PCBP1: variants seen among roughly 807,000 people sequenced by gnomAD.
PCBP1 encodes poly(rC) binding protein 1.
For missense variants in PCBP1, 244 were observed against 474.4 expected (o/e 0.51, Z 4.51); for synonymous variants, 284 against 195.8 (o/e 1.45, Z -3.76).
chr2:70,088,392 C>T lies in PCBP1; in HGVS notation c.649C>T (p.Pro217Ser). ...CCATGCCACCCATGACCTGGAGGGACCACCTCTAGATGCCTACTCGATTCA... is the reference window on the plus strand; with the variant it reads ...CCATGCCACCCATGACCTGGAGGGATCACCTCTAGATGCCTACTCGATTCA... ...YPHATHDLEG[P>S]PLDAYSIQGQ... The change falls in exon 1 of 1, where the codon CCA becomes TCA. Residue 217 changes from proline to serine, a missense_variant. By Grantham distance (74) the Pro-to-Ser change is moderately conservative. Coordinates refer to ENST00000303577, the MANE Select transcript of PCBP1 (RefSeq NM_006196.4). This position sits in a 1 kb window ranked among gnomAD's most constrained non-coding sequence, Gnocchi z 4.5. 2 of 1,613,984 alleles carry T rather than the reference C, an allele frequency of 1.2e-6. No homozygotes were observed. Among genetic ancestry groups the T allele is most frequent in the South Asian group, 1.1e-5 (1 of 91,086 alleles).
At position 70,088,922 on chromosome 2, in the gene PCBP1, T is replaced by G; in HGVS notation, c.*108T>G. Reference sequence around the variant, plus strand: ...TTTAAATAATTTGTAAGTGTTCAGTTTCTACACAACTTTATCATCCGCTAA... The same window carrying G: ...TTTAAATAATTTGTAAGTGTTCAGTGTCTACACAACTTTATCATCCGCTAA... On this transcript the variant is annotated 3_prime_UTR_variant, in exon 1 of 1. Transcript: ENST00000303577. The surrounding 1 kb of genome is among the most constrained non-coding windows in gnomAD (Gnocchi z 4.5). 2 of 756,472 alleles carry G rather than the reference T, an allele frequency of 2.6e-6. No homozygotes were observed. The highest frequency in any genetic ancestry group is 4.3e-6 in the Non-Finnish European group (2 of 469,736). The allele number at this position is 756,472 out of a possible 1,614,324, so 46.9% of individuals were successfully genotyped here.
Position 70,088,878 on chromosome 2 carries a change from C to T in PCBP1, c.*64C>T. 1 of 1,177,404 alleles carries T rather than the reference C, an allele frequency of 8.5e-7. No homozygotes were observed. Among genetic ancestry groups the T allele is most frequent in the South Asian group, 1.5e-5 (1 of 67,384 alleles). 72.9% of individuals were successfully genotyped at this position (1,177,404 alleles called of 1,614,324 possible). A position where few individuals can be genotyped will look rare whatever the true frequency, so the allele number is the denominator to read the frequency against. ...CTCCCATGATCCAACTGTGTAATTT[C>T]TGGTCAGTGATTCCAGGTTTTAAAT... On this transcript the variant is annotated 3_prime_UTR_variant, in exon 1 of 1. Transcript: ENST00000303577. This position sits in a 1 kb window ranked among gnomAD's most constrained non-coding sequence, Gnocchi z 4.5.
In PCBP1 at chr2:70,088,962, C is replaced by T. The variant is rs538155245; in HGVS notation, c.*148C>T. On this transcript the variant is annotated 3_prime_UTR_variant, in exon 1 of 1. Transcript: ENST00000303577. This position sits in a 1 kb window ranked among gnomAD's most constrained non-coding sequence, Gnocchi z 4.5. The stretch of plus-strand genomic sequence containing the variant: ...TCATCCGCTAAGAATTTAAAAATCA[C>T]ATTCTCTGTTCAGCTGTTAATGCTG... 3.2e-6 allele frequency: 2 copies of T among 618,414 alleles called. No homozygotes were observed. Among genetic ancestry groups the T allele is most frequent in the East Asian group, 5.6e-5 (2 of 35,902 alleles). 38.3% of individuals were successfully genotyped at this position (618,414 alleles called of 1,614,324 possible). A position where few individuals can be genotyped will look rare whatever the true frequency, so the allele number is the denominator to read the frequency against.
Position 70,088,268 on chromosome 2 carries a change from A to G in PCBP1, c.525A>G (p.Gln175=). The G allele has an allele frequency of 6.2e-7, 1 of 1,613,834 alleles. No homozygotes were observed. The highest frequency in any genetic ancestry group is 1.1e-5 in the South Asian group (1 of 91,086). ...VMLETLSQSP[Q]GRVMTIPYQP... ...TGGAGACGCTCTCCCAGTCTCCGCA[A>G]GGGAGAGTCATGACCATTCCGTACC... is the stretch of plus-strand genomic sequence containing the variant. Residue 175 remains glutamine (Q), a synonymous_variant, in exon 1 of 1, where the codon CAA becomes CAG. Transcript: ENST00000303577. The surrounding 1 kb of genome is among the most constrained non-coding windows in gnomAD (Gnocchi z 4.5).
In PCBP1 at chr2:70,087,983, G is replaced by A. The variant is rs1216802392; in HGVS notation, c.240G>A (p.Glu80=). Residue 80 remains glutamate (E), a synonymous_variant, in exon 1 of 1, where the codon GAG becomes GAA. Coordinates refer to ENST00000303577, the MANE Select transcript of PCBP1 (RefSeq NM_006196.4). The part of the protein sequence containing the change: ...KAFAMIIDKL[E]EDINSSMTNS... Reference sequence around the variant, plus strand: ...TCGCTATGATCATCGACAAGCTGGAGGAAGATATCAACAGCTCCATGACCA... The same window carrying A: ...TCGCTATGATCATCGACAAGCTGGAAGAAGATATCAACAGCTCCATGACCA... 1.2e-6 allele frequency: 2 copies of A among 1,613,944 alleles called. No individual in the cohort carries two copies. The highest frequency in any genetic ancestry group is 4.5e-5 in the East Asian group (2 of 44,882).
In PCBP1 at chr2:70,089,004, T is replaced by C; in HGVS notation, c.*190T>C. 1 of 507,172 alleles carries C rather than the reference T, an allele frequency of 2.0e-6. No individual in the cohort carries two copies. Among genetic ancestry groups the C allele is most frequent in the Non-Finnish European group, 3.5e-6 (1 of 283,522 alleles). The allele number at this position is 507,172 out of a possible 1,614,324, so 31.4% of individuals were successfully genotyped here. A position where few individuals can be genotyped will look rare whatever the true frequency, so the allele number is the denominator to read the frequency against. On this transcript the variant is annotated 3_prime_UTR_variant, in exon 1 of 1. Transcript: ENST00000303577. Reference sequence around the variant, plus strand: ...TTAATGCTGGGATCCATATTTAGTTTTATAAGCTTTTCCCTGTTTTTAGTT... The same window carrying C: ...TTAATGCTGGGATCCATATTTAGTTCTATAAGCTTTTCCCTGTTTTTAGTT...
chr2:70,088,855 C>T lies in PCBP1; in HGVS notation c.*41C>T, dbSNP rs11545482. Reference sequence around the variant, plus strand: ...CTCAATAACCCCTTTCTGCTGTTCTCCCATGATCCAACTGTGTAATTTCTG... The same window carrying T: ...CTCAATAACCCCTTTCTGCTGTTCTTCCATGATCCAACTGTGTAATTTCTG... On this transcript the variant is annotated 3_prime_UTR_variant, in exon 1 of 1. Transcript: ENST00000303577. The surrounding 1 kb of genome is among the most constrained non-coding windows in gnomAD (Gnocchi z 4.5). 21,559 of 1,401,072 alleles carry T rather than the reference C, an allele frequency of 0.015. 227 individuals carry two copies. The highest frequency in any genetic ancestry group is 0.019 in the Non-Finnish European group (19,491 of 1,016,464). 86.8% of individuals were successfully genotyped at this position (1,401,072 alleles called of 1,614,324 possible). A position where few individuals can be genotyped will look rare whatever the true frequency, so the allele number is the denominator to read the frequency against.
In PCBP1 at chr2:70,088,145, G is replaced by C; in HGVS notation, c.402G>C (p.Ala134=). The change falls in exon 1 of 1, where the codon GCG becomes GCC. Residue 134 remains alanine (A), a synonymous_variant. Coordinates refer to ENST00000303577, the MANE Select transcript of PCBP1 (RefSeq NM_006196.4). The surrounding 1 kb of genome is among the most constrained non-coding windows in gnomAD (Gnocchi z 4.5). Reference sequence around the variant, plus strand: ...GTACGGGGGCGCAGGTCCAGGTGGCGGGGGATATGCTGCCCAACTCCACCG... The same window carrying C: ...GTACGGGGGCGCAGGTCCAGGTGGCCGGGGATATGCTGCCCAACTCCACCG... ...RESTGAQVQV[A]GDMLPNSTER... 6.2e-7 allele frequency: 1 copy of C among 1,613,904 alleles called. No homozygotes were observed. Among genetic ancestry groups the C allele is most frequent in the Non-Finnish European group, 8.5e-7 (1 of 1,179,990 alleles).
In PCBP1 at chr2:70,089,056, T is replaced by A. The variant is rs1194307228; in HGVS notation, c.*242T>A. 2.3e-6 allele frequency: 1 copy of A among 436,762 alleles called. No individual in the cohort carries two copies. Among genetic ancestry groups the A allele is most frequent in the Non-Finnish European group, 4.2e-6 (1 of 238,102 alleles). 27.1% of individuals were successfully genotyped at this position (436,762 alleles called of 1,614,324 possible). A position where few individuals can be genotyped will look rare whatever the true frequency, so the allele number is the denominator to read the frequency against. ...TGTTTTGGGTTTTTTGGCTCATGAA[T>A]TTTATTTCTGTTTGTCGATAAGAAA... is the stretch of plus-strand genomic sequence containing the variant. On this transcript the variant is annotated 3_prime_UTR_variant, in exon 1 of 1. Transcript: ENST00000303577.
Position 70,087,653 on chromosome 2 carries a change from T to A in PCBP1, c.-91T>A. 1 of 836,770 alleles carries A rather than the reference T, an allele frequency of 1.2e-6. No individual in the cohort carries two copies. Among genetic ancestry groups the A allele is most frequent in the East Asian group, 2.7e-5 (1 of 37,018 alleles). The allele number at this position is 836,770 out of a possible 1,614,324, so 51.8% of individuals were successfully genotyped here. The stretch of plus-strand genomic sequence containing the variant: ...CCCTCGCTCGCCTCGCGCCGGCAGT[T>A]TTGGGCCTACACCTCCCCTCCCCCC... On this transcript the variant is annotated 5_prime_UTR_variant, in exon 1 of 1. Coordinates refer to ENST00000303577, the MANE Select transcript of PCBP1 (RefSeq NM_006196.4).
Position 70,087,624 on chromosome 2 carries a change from G to T in PCBP1, c.-120G>T. ...CTCCCGCCCGCTCCCGCTCGCTCCCGCGGCCCTCGCTCGCCTCGCGCCGGC... is the reference window on the plus strand; with the variant it reads ...CTCCCGCCCGCTCCCGCTCGCTCCCTCGGCCCTCGCTCGCCTCGCGCCGGC... On this transcript the variant is annotated 5_prime_UTR_variant, in exon 1 of 1. Transcript: ENST00000303577. 1 of 530,938 alleles carries T rather than the reference G, an allele frequency of 1.9e-6. No individual in the cohort carries two copies. The allele number at this position is 530,938 out of a possible 1,614,324, so 32.9% of individuals were successfully genotyped here.
rs1671377851 is a variant in PCBP1 at position 70,088,667 on chromosome 2, G to A, written c.924G>A (p.Met308Ile). The change falls in exon 1 of 1, where the codon ATG becomes ATA. Residue 308 changes from methionine (M) to isoleucine (I), a missense_variant. Physicochemically the swap from Met to Ile is conservative, Grantham distance 10. Transcript: ENST00000303577. This position sits in a 1 kb window ranked among gnomAD's most constrained non-coding sequence, Gnocchi z 4.5. ...QGANINEIRQ[M>I]SGAQIKIANP... is the part of the protein sequence containing the mutation. ...CCAACATTAATGAGATCCGCCAGAT[G>A]TCCGGGGCCCAGATCAAAATTGCCA... The A allele has an allele frequency of 2.5e-6, 4 of 1,614,136 alleles. No homozygotes were observed. The highest frequency in any genetic ancestry group is 2.2e-5 in the East Asian group (1 of 44,900).
At position 70,088,037 on chromosome 2, in the gene PCBP1, C is replaced by G. The variant is rs1480573075; in HGVS notation, c.294C>G (p.Val98=). The G allele has an allele frequency of 6.2e-7, 1 of 1,613,820 alleles. No individual in the cohort carries two copies. The highest frequency in any genetic ancestry group is 8.5e-7 in the Non-Finnish European group (1 of 1,180,024). Residue 98 remains valine, a synonymous_variant, in exon 1 of 1, where the codon GTC becomes GTG. Transcript: ENST00000303577. The surrounding 1 kb of genome is among the most constrained non-coding windows in gnomAD (Gnocchi z 4.5). ...GTACCGCGGCCAGCAGGCCCCCGGT[C>G]ACCCTGAGGCTGGTGGTGCCGGCCA... ...TNSTAASRPP[V]TLRLVVPATQ...
chr2:70,088,322 C>T lies in PCBP1; in HGVS notation c.579C>T (p.Ile193=), dbSNP rs138166426. 151 of 1,613,778 alleles carry T rather than the reference C, an allele frequency of 9.4e-5. No individual in the cohort carries two copies. The highest frequency in any genetic ancestry group is 3.3e-4 in the Middle Eastern group (2 of 6,084). The part of the protein sequence containing the change: ...YQPMPASSPV[I]CAGGQDRCSD... The stretch of plus-strand genomic sequence containing the variant: ...CCATGCCGGCCAGCTCCCCAGTCAT[C>T]TGCGCGGGCGGCCAAGATCGGTGCA... The change falls in exon 1 of 1, where the codon ATC becomes ATT. Residue 193 remains isoleucine (I), a synonymous_variant. Coordinates refer to ENST00000303577, the MANE Select transcript of PCBP1 (RefSeq NM_006196.4). The surrounding 1 kb of genome is among the most constrained non-coding windows in gnomAD (Gnocchi z 4.5).
chr2:70,087,754 G>C lies in PCBP1; in HGVS notation c.11G>C (p.Gly4Ala), dbSNP rs1476738568. ...CGCCCGCCGCTCGCCATGGATGCCG[G>C]TGTGACTGAAAGTGGACTAAATGTG... MDA[G>A]VTESGLNVTL... The change falls in exon 1 of 1, where the codon GGT becomes GCT. Residue 4 changes from glycine to alanine, a missense_variant. By Grantham distance (60) the Gly-to-Ala change is moderately conservative (BLOSUM62 0). Transcript: ENST00000303577. 6.5e-7 allele frequency: 1 copy of C among 1,546,620 alleles called. No individual in the cohort carries two copies. Among genetic ancestry groups the C allele is most frequent in the Non-Finnish European group, 8.8e-7 (1 of 1,142,022 alleles).
rs1311708154 is a variant in PCBP1 at position 70,088,184 on chromosome 2, C to T, written c.441C>T (p.Thr147=). Residue 147 remains threonine, a synonymous_variant, in exon 1 of 1, where the codon ACC becomes ACT. Transcript: ENST00000303577. This position sits in a 1 kb window ranked among gnomAD's most constrained non-coding sequence, Gnocchi z 4.5. The part of the protein sequence containing the change: ...MLPNSTERAI[T]IAGVPQSVTE... ...CCAACTCCACCGAGCGGGCCATCAC[C>T]ATCGCTGGCGTGCCGCAGTCTGTCA... The T allele has an allele frequency of 2.5e-6, 4 of 1,614,048 alleles. No individual in the cohort carries two copies. The highest frequency in any genetic ancestry group is 3.4e-6 in the Non-Finnish European group (4 of 1,180,044).
In PCBP1 at chr2:70,087,785, C is replaced by A; in HGVS notation, c.42C>A (p.Leu14=). The part of the protein sequence containing the change: ...GVTESGLNVT[L]TIRLLMHGKE... Reference sequence around the variant, plus strand: ...CTGAAAGTGGACTAAATGTGACTCTCACCATTCGGCTTCTTATGCACGGAA... The same window carrying A: ...CTGAAAGTGGACTAAATGTGACTCTAACCATTCGGCTTCTTATGCACGGAA... The change falls in exon 1 of 1, where the codon CTC becomes CTA. Residue 14 remains leucine (L), a synonymous_variant. Transcript: ENST00000303577. 1.3e-6 allele frequency: 2 copies of A among 1,579,054 alleles called. No homozygotes were observed. Among genetic ancestry groups the A allele is most frequent in the Non-Finnish European group, 1.7e-6 (2 of 1,160,206 alleles).
In PCBP1 at chr2:70,088,621, G is replaced by A. The variant is rs757124422; in HGVS notation, c.878G>A (p.Cys293Tyr). 1.2e-6 allele frequency: 2 copies of A among 1,614,124 alleles called. No individual in the cohort carries two copies. The highest frequency in any genetic ancestry group is 2.7e-5 in the African/African-American group (2 of 74,948). The change falls in exon 1 of 1, where the codon TGC becomes TAC. Residue 293 changes from cysteine (C) to tyrosine (Y), a missense_variant. Cys to Tyr is a radical substitution (Grantham distance 194). Coordinates refer to ENST00000303577, the MANE Select transcript of PCBP1 (RefSeq NM_006196.4). The surrounding 1 kb of genome is among the most constrained non-coding windows in gnomAD (Gnocchi z 4.5). ...ACCATTCCAAATAACTTAATTGGCT[G>A]CATAATCGGGCGCCAAGGCGCCAAC... Reference protein sequence around the residue: ...ELTIPNNLIGCIIGRQGANIN... With the variant: ...ELTIPNNLIGYIIGRQGANIN...
Position 70,088,361 on chromosome 2 carries a change from C to T in PCBP1, c.618C>T (p.Gly206=), listed in dbSNP as rs771891006. The stretch of plus-strand genomic sequence containing the variant: ...AAGATCGGTGCAGCGACGCTGCGGG[C>T]TACCCCCATGCCACCCATGACCTGG... The part of the protein sequence containing the change: ...GGQDRCSDAA[G]YPHATHDLEG... Residue 206 remains glycine, a synonymous_variant, in exon 1 of 1, where the codon GGC becomes GGT. Coordinates refer to ENST00000303577, the MANE Select transcript of PCBP1 (RefSeq NM_006196.4). This position sits in a 1 kb window ranked among gnomAD's most constrained non-coding sequence, Gnocchi z 4.5. 4 of 1,613,856 alleles carry T rather than the reference C, an allele frequency of 2.5e-6. No individual in the cohort carries two copies. The African/African-American group carries it at 4.0e-5, about 16-fold the overall frequency.
Sources: gnomAD v4.1 joint callset for allele counts on GRCh38, gnomAD v4.1.1 for gene constraint, Gnocchi (gnomAD v3.1) non-coding constraint, MANE v1.5 for transcripts, NCBI Gene and HGNC (gene_info 2026-07-23, HGNC 2026-07-21) for gene names.